CNTNAP5: variants seen among roughly 807,000 people sequenced by gnomAD.
The protein encoded by CNTNAP5 is contactin-associated protein-like 5.
Under a neutral mutation model 150.2 loss-of-function variants are expected in CNTNAP5, and 72 were observed. The ratio of observed to expected loss-of-function variants is 0.48; its 90% CI spans 0.40 to 0.58. CNTNAP5 has a LOEUF of 0.58. CNTNAP5 is among the 20% of genes least tolerant of loss of function. CNTNAP5 has a pLI of 0.00. For missense variants in CNTNAP5, 1,636 were observed against 1,626.2 expected (o/e 1.01, Z -0.10); for synonymous variants, 672 against 619.8 (o/e 1.08, Z -1.25).
chr2:124,312,184 G>A (rs542758893), intron 3 of CNTNAP5, among the ~76,000 whole-genome samples: 7 of 152,296 alleles, frequency 4.6e-5, no homozygotes, highest in African/African-American at 1.4e-4. Flanking sequence ...TTGCTGAAGA[G>A]CAAATTCTTT....
At chr2:124,143,793 G>A (rs1440788695) in intron 1 of CNTNAP5, among the ~76,000 whole-genome samples, 7 of 124,494 alleles carry the variant, frequency 5.6e-5, no homozygotes, top group Non-Finnish European at 9.9e-5. Flanking sequence ...TCTGGCCAGG[G>A]CAATCAGGCA....
At chr2:124,450,266 A>G (rs1341227165) in intron 6 of CNTNAP5, among the ~76,000 whole-genome samples, 1 of 151,680 alleles carries the variant, frequency 6.6e-6, no homozygotes, top group African/African-American at 2.4e-5. Context: ...TCTGATATAT[A>G]TATATACTCT....
chr2:124,656,102 A>C (rs1678452528), intron 13 of CNTNAP5, among the ~76,000 whole-genome samples: 1 of 151,732 alleles, frequency 6.6e-6, no homozygotes, highest in Admixed American at 6.6e-5. Flanking sequence ...ACTAGCCCAC[A>C]TTCCAGGGGA....
intron 19 of CNTNAP5, among the ~76,000 whole-genome samples, chr2:124,856,425 C>T (rs1677374971): frequency 6.6e-6 from 1 of 152,200 alleles, no homozygotes; most frequent in African/African-American, 2.4e-5. Context: ...CTATTTTCTA[C>T]AATGGTTGTA....
In CNTNAP5 at chr2:124,905,456, GA is replaced by G. The variant is rs375913031; in HGVS notation, c.3655+2362del. Among the ~76,000 whole-genome samples the G allele has an allele frequency of 9.9e-5, 15 of 152,154 alleles. No individual in the cohort carries two copies. In the East Asian group the frequency reaches 2.1e-3, roughly 22 times the overall value. ...ATTAAATCAGCCTTTCTTAAAAGTA[GA>G]AAAAACCCACAGCACCATCATCCAT... On this transcript the variant is annotated intron_variant, in intron 22 of 23. Transcript: ENST00000682447.
At chr2:124,773,909 C>CGTGTGT (rs55795835) in intron 17 of CNTNAP5, among the ~76,000 whole-genome samples, 3 of 132,018 alleles carry the variant, frequency 2.3e-5, no homozygotes, top group African/African-American at 8.5e-5. Flanking sequence ...TAAGGGAGTG[C>CGTGTGT]GTGTGTGTGT....
intron 1 of CNTNAP5, among the ~76,000 whole-genome samples, chr2:124,044,778 G>C (rs899555766): frequency 2.6e-5 from 4 of 151,774 alleles, no homozygotes; most frequent in African/African-American, 9.7e-5. Flanking sequence ...AAATGATCTT[G>C]GCATGTTTGA....
At chr2:124,883,722 G>A (rs370312413) in intron 21 of CNTNAP5, among the ~76,000 whole-genome samples, 37 of 151,986 alleles carry the variant, frequency 2.4e-4, no homozygotes, top group Non-Finnish European at 3.7e-4. Context: ...ACATATATTC[G>A]TGCGTGGGTT....
intron 7 of CNTNAP5, among the ~76,000 whole-genome samples, chr2:124,479,608 T>C (rs1368116434): frequency 3.3e-5 from 5 of 152,160 alleles, no homozygotes; most frequent in East Asian, 1.9e-4. Flanking sequence ...CAAATGGGAA[T>C]TGGAATCAGG....
chr2:124,035,196 G>A (rs775994929), intron 1 of CNTNAP5, among the ~76,000 whole-genome samples: 2 of 152,046 alleles, frequency 1.3e-5, no homozygotes, highest in Non-Finnish European at 2.9e-5. Flanking sequence ...CCATCTCAAA[G>A]GAAGGTCATA....
chr2:124,661,183 A>G (rs911567729), intron 13 of CNTNAP5, among the ~76,000 whole-genome samples: 3 of 152,060 alleles, frequency 2.0e-5, no homozygotes, highest in Non-Finnish European at 4.4e-5. Flanking sequence ...AATTAACATT[A>G]ATTTACTGAA....
At chr2:124,686,258 T>A (rs1679191486) in intron 13 of CNTNAP5, among the ~76,000 whole-genome samples, 1 of 152,100 alleles carries the variant, frequency 6.6e-6, no homozygotes, top group Non-Finnish European at 1.5e-5. Context: ...CCCAATTCCT[T>A]TCCTTAAGAA....
intron 1 of CNTNAP5, among the ~76,000 whole-genome samples, chr2:124,058,782 T>A (rs1309886993): frequency 6.6e-6 from 1 of 152,182 alleles, no homozygotes; most frequent in East Asian, 1.9e-4. Context: ...ATGAGCCAAA[T>A]TTTGTCCATC....
chr2:124,892,618 C>A (rs1457218006), intron 21 of CNTNAP5, among the ~76,000 whole-genome samples: 2 of 152,116 alleles, frequency 1.3e-5, no homozygotes, highest in Non-Finnish European at 2.9e-5. Context: ...GTGGAGGCTT[C>A]TGGACTGGGC....
At chr2:124,649,553 T>C (rs1678276821) in intron 13 of CNTNAP5, among the ~76,000 whole-genome samples, 1 of 152,220 alleles carries the variant, frequency 6.6e-6, no homozygotes. Flanking sequence ...GGCTACACCA[T>C]TGACTTTGCA....
intron 14 of CNTNAP5, among the ~76,000 whole-genome samples, chr2:124,760,012 C>T (rs1206680304): frequency 7.2e-6 from 1 of 139,814 alleles, no homozygotes; most frequent in Admixed American, 7.6e-5. Context: ...ATAATTGCTC[C>T]TTAAACAAAG....
chr2:124,185,046 C>T (rs1685302439), intron 1 of CNTNAP5, among the ~76,000 whole-genome samples: 3 of 152,218 alleles, frequency 2.0e-5, no homozygotes, highest in African/African-American at 2.4e-5. Context: ...CTTCTATCTA[C>T]ATCACAATGG....
At chr2:124,614,943 C>T (rs548572621) in intron 12 of CNTNAP5, among the ~76,000 whole-genome samples, 1 of 151,434 alleles carries the variant, frequency 6.6e-6, no homozygotes, top group African/African-American at 2.4e-5. Flanking sequence ...GTTATGTTTA[C>T]ACTACATGGT....
At chr2:124,365,376 C>A (rs140531546) in intron 3 of CNTNAP5, among the ~76,000 whole-genome samples, 1 of 151,312 alleles carries the variant, frequency 6.6e-6, no homozygotes, top group African/African-American at 2.4e-5. Flanking sequence ...TTGCGGGAAT[C>A]TTTGCATATA....
Sources: allele counts gnomAD v4.1 joint callset (sites outside exome capture counted in the v4.1 genomes callset), GRCh38; gene constraint gnomAD v4.1.1; transcripts MANE v1.5; gene names NCBI Gene and HGNC (gene_info 2026-07-23, HGNC 2026-07-21).